IL1RAPL2: variants seen among roughly 807,000 people sequenced by gnomAD.
IL1RAPL2 encodes the protein interleukin 1 receptor accessory protein like 2.
A neutral mutation model predicts 44.1 loss-of-function variants in IL1RAPL2; 3 were observed. The ratio of observed to expected loss-of-function variants is 0.07; its 90% CI spans 0.03 to 0.18. The LOEUF is 0.18. IL1RAPL2 is among the 10% of genes least tolerant of loss of function. IL1RAPL2 has a pLI of 1.00. For missense variants in IL1RAPL2, 391 were observed against 496.4 expected (o/e 0.79, Z 2.02); for synonymous variants, 181 against 178.8 (o/e 1.01, Z -0.10).
chrX:105,445,285 G>T (rs1244532700), intron 5 of IL1RAPL2, among the ~76,000 whole-genome samples: 3 of 110,941 alleles, frequency 2.7e-5, no homozygotes, highest in Non-Finnish European at 5.7e-5. Flanking sequence ...TTTCTTCTTA[G>T]TTGGGCCAAA....
chrX:105,217,751 C>A (rs2033878746), intron 3 of IL1RAPL2, among the ~76,000 whole-genome samples: 2 of 112,067 alleles, frequency 1.8e-5, no homozygotes, highest in Non-Finnish European at 3.8e-5. Flanking sequence ...ACATATACAC[C>A]ATGGAATACT....
chrX:104,878,847 T>TC (rs1399914791), intron 2 of IL1RAPL2, among the ~76,000 whole-genome samples: 7 of 111,339 alleles, frequency 6.3e-5, no homozygotes, highest in African/African-American at 2.3e-4. Context: ...CCTTTTTTTT[T>TC]GAATGAACAA....
At chrX:105,628,449 T>C (rs760719839) in intron 6 of IL1RAPL2, among the ~76,000 whole-genome samples, 13 of 111,750 alleles carry the variant, frequency 1.2e-4, no homozygotes, top group Non-Finnish European at 2.3e-4. Flanking sequence ...AAAAAAAAAT[T>C]GTAAAATTAA....
chrX:104,764,529 A>G (rs1250704570), intron 2 of IL1RAPL2, among the ~76,000 whole-genome samples: 2 of 111,712 alleles, frequency 1.8e-5, no homozygotes, highest in Admixed American at 1.9e-4. Context: ...TTCCTTTCCA[A>G]TTTGGATGCC....
In IL1RAPL2 at chrX:104,922,273, C is replaced by G. The variant is rs147364756; in HGVS notation, c.82+263278C>G. On this transcript the variant is annotated intron_variant, in intron 2 of 10. Coordinates refer to ENST00000372582, the MANE Select transcript of IL1RAPL2 (RefSeq NM_017416.2). ...AAATGCTGTCCTCGGCAATCGCCATCTACTGGCTGGGACAGCAAACTGCAT... is the reference window on the plus strand; with the variant it reads ...AAATGCTGTCCTCGGCAATCGCCATGTACTGGCTGGGACAGCAAACTGCAT... 6.4e-3 allele frequency among the ~76,000 whole-genome samples: 722 copies of G among 113,275 alleles called. 3 individuals are homozygous for G. The highest frequency in any genetic ancestry group is 0.022 in the African/African-American group (686 of 31,253).
intron 2 of IL1RAPL2, among the ~76,000 whole-genome samples, chrX:105,158,116 C>T (rs181858291): frequency 3.7e-4 from 41 of 111,250 alleles, no homozygotes; most frequent in African/African-American, 1.3e-3. Flanking sequence ...CTGAGGCGGG[C>T]GGATCACGAG....
At position 104,595,445 on chromosome X, in the gene IL1RAPL2, A is replaced by C. The variant is rs143283840; in HGVS notation, c.-20+28394A>C. 3.5e-3 allele frequency among the ~76,000 whole-genome samples: 384 copies of C among 111,291 alleles called. 2 individuals are homozygous for C. The highest frequency in any genetic ancestry group is 0.012 in the African/African-American group (360 of 30,600). On this transcript the variant is annotated intron_variant, in intron 1 of 10. Transcript: ENST00000372582. ...GTGGTGGTGATGTTGGATTTACTATAGTTGGAGGAAAGATTTAAAAATCTT... is the reference window on the plus strand; with the variant it reads ...GTGGTGGTGATGTTGGATTTACTATCGTTGGAGGAAAGATTTAAAAATCTT...
intron 2 of IL1RAPL2, among the ~76,000 whole-genome samples, chrX:104,825,933 T>C (rs1374200992): frequency 9.0e-6 from 1 of 111,558 alleles, no homozygotes; most frequent in East Asian, 2.8e-4. Context: ...TGTTTATGCA[T>C]GCTTGAGGGT....
chrX:104,803,610 A>C (rs1932899982), intron 2 of IL1RAPL2, among the ~76,000 whole-genome samples: 1 of 112,395 alleles, frequency 8.9e-6, no homozygotes, highest in African/African-American at 3.2e-5. Context: ...CTTTTGTAAG[A>C]AATGTTGTTC....
In IL1RAPL2 at chrX:105,198,711, C is replaced by T. The variant is rs782107916; in HGVS notation, c.356+2963C>T. Among the ~76,000 whole-genome samples, 43 of 111,934 alleles carry T rather than the reference C, an allele frequency of 3.8e-4. 1 individual carries two copies. The highest frequency in any genetic ancestry group is 7.0e-4 in the Non-Finnish European group (37 of 53,113). On this transcript the variant is annotated intron_variant, in intron 3 of 10. Transcript: ENST00000372582. The stretch of plus-strand genomic sequence containing the variant: ...TCATGTCTCCTTAAGCACTTCTTGG[C>T]TGCATCAGTTCCTCAGACTTTCCTC...
intron 1 of IL1RAPL2, among the ~76,000 whole-genome samples, chrX:104,615,083 G>T (rs1467455096): frequency 9.0e-6 from 1 of 111,481 alleles, no homozygotes; most frequent in Non-Finnish European, 1.9e-5. Context: ...GGGTCTGTGG[G>T]CTATGTACTC....
intron 2 of IL1RAPL2, among the ~76,000 whole-genome samples, chrX:104,997,724 A>G (rs768336200): frequency 2.6e-4 from 29 of 111,937 alleles, no homozygotes; most frequent in African/African-American, 8.1e-4. Context: ...GAAGATGAGG[A>G]AAAAAGTTTC....
chrX:105,656,726 G>A (rs1272437331), intron 6 of IL1RAPL2, among the ~76,000 whole-genome samples: 2 of 111,532 alleles, frequency 1.8e-5, no homozygotes, highest in Admixed American at 9.5e-5. Context: ...AGGTCTTTTG[G>A]TTCTCTTCTC....
intron 2 of IL1RAPL2, among the ~76,000 whole-genome samples, chrX:104,790,035 A>C (rs1215781489): frequency 1.8e-5 from 2 of 112,573 alleles, no homozygotes; most frequent in African/African-American, 6.5e-5. Context: ...TGCTGTCTGA[A>C]GGACACAACA....
chrX:105,371,190 A>G (rs1379767582), intron 5 of IL1RAPL2, among the ~76,000 whole-genome samples: 1 of 111,813 alleles, frequency 8.9e-6, no homozygotes, highest in Non-Finnish European at 1.9e-5. Flanking sequence ...TTGTCTCTTT[A>G]TTGTATTGAC....
chrX:105,243,773 T>C (rs372450902), intron 4 of IL1RAPL2, among the ~76,000 whole-genome samples: 2 of 109,616 alleles, frequency 1.8e-5, no homozygotes, highest in East Asian at 5.8e-4. Context: ...AAGCATGCAT[T>C]GTATGCCTAG....
At chrX:104,583,784 A>G (rs1201405585) in intron 1 of IL1RAPL2, among the ~76,000 whole-genome samples, 1 of 111,934 alleles carries the variant, frequency 8.9e-6, no homozygotes. Context: ...TAAGCTGGCC[A>G]TCCCCCAATT....
intron 2 of IL1RAPL2, among the ~76,000 whole-genome samples, chrX:104,661,676 A>G (rs1423730973): frequency 9.1e-6 from 1 of 110,448 alleles, no homozygotes; most frequent in Non-Finnish European, 1.9e-5. Flanking sequence ...TATTTGAGTT[A>G]CCTTATCTTT....
At chrX:104,705,139 C>T (rs895715430) in intron 2 of IL1RAPL2, among the ~76,000 whole-genome samples, 2 of 111,776 alleles carry the variant, frequency 1.8e-5, no homozygotes, top group East Asian at 2.8e-4. Flanking sequence ...AGCCATCTTA[C>T]ATTCATTATG....
Sources: gnomAD v4.1 joint callset for allele counts (sites outside exome capture counted in the v4.1 genomes callset) on GRCh38, gnomAD v4.1.1 for gene constraint, MANE v1.5 for transcripts, NCBI Gene and HGNC (gene_info 2026-07-23, HGNC 2026-07-21) for gene names.